Variants in FNDC3B observed in about 807,000 individuals in gnomAD.
The protein encoded by FNDC3B is fibronectin type III domain containing 3B.
A neutral mutation model predicts 151.5 loss-of-function variants in FNDC3B; 12 were observed. That is an observed-to-expected ratio of 0.08 (90% confidence interval 0.05 to 0.13). The LOEUF is 0.13. Among genes scored for constraint, FNDC3B ranks in the 10% least tolerant of loss-of-function variants. FNDC3B has a pLI of 1.00. For missense variants in FNDC3B, 1,214 were observed against 1,505.3 expected, an observed-to-expected ratio of 0.81 and a Z score of 3.20; for synonymous variants, 528 against 549.0, an observed-to-expected ratio of 0.96 and a Z score of 0.54.
intron 3 of FNDC3B, among the ~76,000 whole-genome samples, chr3:172,204,852 T>C (rs1560017149): frequency 6.6e-6 from 1 of 152,104 alleles, no homozygotes; most frequent in African/African-American, 2.4e-5. Flanking sequence ...CTTGGTTGAG[T>C]GGGTGGAAAA....
At chr3:172,185,287 G>A (rs561210537) in intron 3 of FNDC3B, among the ~76,000 whole-genome samples, 1 of 152,166 alleles carries the variant, frequency 6.6e-6, no homozygotes, top group East Asian at 1.9e-4. Flanking sequence ...AAAACATCGT[G>A]ACCCCTTTCT....
intron 10 of FNDC3B, among the ~76,000 whole-genome samples, chr3:172,308,515 C>A (rs1731307265): frequency 6.6e-6 from 1 of 152,164 alleles, no homozygotes; most frequent in Non-Finnish European, 1.5e-5. Flanking sequence ...AATATTTTAT[C>A]TTTTCATTTC....
intron 4 of FNDC3B, among the ~76,000 whole-genome samples, chr3:172,236,515 C>T (rs1727172976): frequency 6.6e-6 from 1 of 152,320 alleles, no homozygotes; most frequent in South Asian, 2.1e-4. Flanking sequence ...GCTGTTGTCA[C>T]TTCGATTCTT....
chr3:172,060,029 C>T (rs549071864), intron 1 of FNDC3B, among the ~76,000 whole-genome samples: 1 of 152,284 alleles, frequency 6.6e-6, no homozygotes, highest in South Asian at 2.1e-4. Flanking sequence ...AAGATTTAGC[C>T]AGGTAGTCAC....
intron 3 of FNDC3B, among the ~76,000 whole-genome samples, chr3:172,220,167 CTGTG>C (rs35182544): frequency 2.8e-4 from 42 of 151,222 alleles, no homozygotes; most frequent in Admixed American, 8.6e-4. Flanking sequence ...TTGTTATTTT[CTGTG>C]TGTGTGTGTG....
At chr3:172,287,224 T>A (rs2108827951) in intron 7 of FNDC3B, among the ~76,000 whole-genome samples, 1 of 152,362 alleles carries the variant, frequency 6.6e-6, no homozygotes, top group East Asian at 1.9e-4. Context: ...TGTTTCTGTG[T>A]CTTTCCCGGT....
At chr3:172,343,963 G>A in intron 18 of FNDC3B, 123 bp from the exon 19 acceptor site, 1 of 784,458 alleles carries the variant, frequency 1.3e-6, no homozygotes, top group Non-Finnish European at 2.1e-6. Flanking sequence ...GGATTCTTTT[G>A]TAAGGGAGAT....
intron 3 of FNDC3B, among the ~76,000 whole-genome samples, chr3:172,185,370 C>A (rs1303494890): frequency 1.3e-5 from 2 of 152,262 alleles, no homozygotes; most frequent in Non-Finnish European, 2.9e-5. Context: ...GAGAAGCGAT[C>A]CAGATAGACT....
chr3:172,351,689 T>C (rs1467008845), intron 21 of FNDC3B, among the ~76,000 whole-genome samples: 1 of 152,002 alleles, frequency 6.6e-6, no homozygotes, highest in Non-Finnish European at 1.5e-5. Context: ...AATAACCAGA[T>C]GGGAGAGAGA....
chr3:172,340,532 C>G (rs1733249012), intron 16 of FNDC3B, among the ~76,000 whole-genome samples: 1 of 152,146 alleles, frequency 6.6e-6, no homozygotes, highest in South Asian at 2.1e-4. Flanking sequence ...GTGATCCACC[C>G]ACCTCGGCCT....
chr3:172,176,642 C>T (rs1723609993), intron 3 of FNDC3B, among the ~76,000 whole-genome samples: 1 of 152,160 alleles, frequency 6.6e-6, no homozygotes. Context: ...TGTGAGAGTG[C>T]TTTGCAGTTG....
intron 7 of FNDC3B, among the ~76,000 whole-genome samples, chr3:172,290,875 C>T (rs1730290384): frequency 6.6e-6 from 1 of 152,084 alleles, no homozygotes. Flanking sequence ...AGAAGTGAAG[C>T]CAGTATTTGT....
chr3:172,356,427 G>T (rs1283966133), intron 22 of FNDC3B, among the ~76,000 whole-genome samples: 1 of 152,200 alleles, frequency 6.6e-6, no homozygotes, highest in Non-Finnish European at 1.5e-5. Flanking sequence ...TAAATAATCA[G>T]AAAATCTGTT....
intron 23 of FNDC3B, among the ~76,000 whole-genome samples, chr3:172,374,259 G>A (rs2108361293): frequency 6.6e-6 from 1 of 152,316 alleles, no homozygotes; most frequent in South Asian, 2.1e-4. Flanking sequence ...TGTTAGCAGT[G>A]ATGTCCGTGG....
intron 6 of FNDC3B, 144 bp downstream of exon 6, chr3:172,251,685 A>C: frequency 1.4e-6 from 1 of 697,634 alleles, no homozygotes; most frequent in Admixed American, 3.3e-5. Context: ...TCTTTGATCT[A>C]TTTCTTGGTA....
intron 3 of FNDC3B, among the ~76,000 whole-genome samples, chr3:172,137,590 A>C (rs1437751817): frequency 6.6e-6 from 1 of 152,186 alleles, no homozygotes; most frequent in South Asian, 2.1e-4. Flanking sequence ...CAGGAGTTTG[A>C]GGCTGCAGTG....
chr3:172,355,145 C>A (rs1034218336), intron 22 of FNDC3B, among the ~76,000 whole-genome samples: 1 of 151,992 alleles, frequency 6.6e-6, no homozygotes, highest in African/African-American at 2.4e-5. Context: ...TTGAATTTGT[C>A]CTTTAATTTG....
chr3:172,385,995 G>A (rs1415666585), intron 25 of FNDC3B, among the ~76,000 whole-genome samples: 1 of 152,084 alleles, frequency 6.6e-6, no homozygotes, highest in Non-Finnish European at 1.5e-5. Flanking sequence ...CACAATGTGG[G>A]GCAAGCAGCT....
chr3:172,160,837 A>G (rs928926201), intron 3 of FNDC3B, among the ~76,000 whole-genome samples: 1 of 152,198 alleles, frequency 6.6e-6, no homozygotes, highest in Admixed American at 6.5e-5. Flanking sequence ...GAGTAATGGA[A>G]GGAATTCCTA....
Sources: gnomAD v4.1 joint callset for allele counts (sites outside exome capture counted in the v4.1 genomes callset) on GRCh38, gnomAD v4.1.1 for gene constraint, MANE v1.5 for transcripts, NCBI Gene and HGNC (gene_info 2026-07-23, HGNC 2026-07-21) for gene names.